MGAT4A: variants seen among roughly 807,000 people sequenced by gnomAD.
MGAT4A encodes alpha-1,3-mannosyl-glycoprotein 4-beta-N-acetylglucosaminyltransferase A.
Under a neutral mutation model 74.1 loss-of-function variants are expected in MGAT4A, and 33 were observed. The observed-to-expected ratio is 0.45, with a 90% CI of 0.34 to 0.60. MGAT4A has a LOEUF of 0.60. MGAT4A is among the 20% of genes least tolerant of loss of function. The pLI is 0.02. For synonymous variants in MGAT4A, 198 were observed against 210.4 expected (o/e 0.94, Z 0.51); for missense variants, 479 against 628.3 (o/e 0.76, Z 2.54).
intron 2 of MGAT4A, among the ~76,000 whole-genome samples, chr2:98,691,891 A>C (rs1702199869): frequency 6.6e-6 from 1 of 152,184 alleles, no homozygotes; most frequent in Non-Finnish European, 1.5e-5. Flanking sequence ...GCCTAGGCTA[A>C]TGTGTATGTC....
At chr2:98,729,609 A>G (rs1471622354) in intron 1 of MGAT4A, among the ~76,000 whole-genome samples, 1 of 152,166 alleles carries the variant, frequency 6.6e-6, no homozygotes, top group Non-Finnish European at 1.5e-5. Context: ...GGAACTTTCA[A>G]CTCTAGACAT....
At chr2:98,715,749 A>G (rs981215698) in intron 2 of MGAT4A, among the ~76,000 whole-genome samples, 1 of 152,250 alleles carries the variant, frequency 6.6e-6, no homozygotes, top group African/African-American at 2.4e-5. Flanking sequence ...AAGTTTACCT[A>G]TGCAACAGAT....
At chr2:98,631,439 A>C (rs372913847) in intron 14 of MGAT4A, among the ~76,000 whole-genome samples, 135 of 152,072 alleles carry the variant, frequency 8.9e-4, no homozygotes, top group African/African-American at 3.1e-3. Flanking sequence ...TTCCCACCCA[A>C]ATGTTGCATT....
At chr2:98,629,008 C>A (rs1180054916) in intron 14 of MGAT4A, among the ~76,000 whole-genome samples, 1 of 152,140 alleles carries the variant, frequency 6.6e-6, no homozygotes, top group African/African-American at 2.4e-5. Context: ...TTTATGGACA[C>A]AGAAATCTGA....
At chr2:98,719,749 C>T (rs1460901626) in intron 2 of MGAT4A, among the ~76,000 whole-genome samples, 1 of 152,174 alleles carries the variant, frequency 6.6e-6, no homozygotes, top group East Asian at 1.9e-4. Context: ...TGGGTTCAAG[C>T]AATTCTCCTT....
chr2:98,645,604 A>G, intron 8 of MGAT4A, 62 bp from the exon 9 acceptor site: 1 of 1,170,442 alleles, frequency 8.5e-7, no homozygotes, highest in Non-Finnish European at 1.1e-6. Flanking sequence ...AGAGAAGGAT[A>G]TTATTATGGA....
At chr2:98,667,705 G>C (rs942850981) in intron 4 of MGAT4A, among the ~76,000 whole-genome samples, 1 of 151,088 alleles carries the variant, frequency 6.6e-6, no homozygotes, top group African/African-American at 2.4e-5. Context: ...TTTTGTTGTT[G>C]TTGTTGTTGT....
chr2:98,639,933 G>A lies in MGAT4A; in HGVS notation c.1197C>T (p.Ser399=). Residue 399 remains serine (S), a synonymous_variant, in exon 12 of 16, where the codon TCC becomes TCT. Transcript: ENST00000393487. The stretch of plus-strand genomic sequence containing the variant: ...GCGTATGCCCTTGGTAGACCTTCAA[G>A]GAAGTAGATACCTCCGCAGGTGGGT... ...HVNPPAEVST[S]LKVYQGHTLE... 6.2e-7 allele frequency: 1 copy of A among 1,614,072 alleles called. No individual in the cohort carries two copies. Among genetic ancestry groups the A allele is most frequent in the Non-Finnish European group, 8.5e-7 (1 of 1,179,972 alleles).
At chr2:98,667,523 T>G (rs1034621036) in intron 4 of MGAT4A, among the ~76,000 whole-genome samples, 1 of 152,020 alleles carries the variant, frequency 6.6e-6, no homozygotes, top group Non-Finnish European at 1.5e-5. Context: ...GGCACTGGAG[T>G]AAAGGTGATT....
At chr2:98,719,284 T>C (rs948017433) in intron 2 of MGAT4A, among the ~76,000 whole-genome samples, 1 of 152,214 alleles carries the variant, frequency 6.6e-6, no homozygotes, top group Non-Finnish European at 1.5e-5. Flanking sequence ...ACCATTTAGT[T>C]TGTAGCAGAA....
chr2:98,640,470 T>G (rs1272098921), intron 10 of MGAT4A, among the ~76,000 whole-genome samples: 1 of 151,926 alleles, frequency 6.6e-6, no homozygotes, highest in Non-Finnish European at 1.5e-5. Context: ...ATCAGCCAGG[T>G]GTGCAAGCCT....
chr2:98,715,612 A>G (rs974820693), intron 2 of MGAT4A, among the ~76,000 whole-genome samples: 12 of 152,164 alleles, frequency 7.9e-5, no homozygotes, highest in Admixed American at 1.3e-4. Flanking sequence ...GGACACACAG[A>G]GGGAAACAAC....
At chr2:98,640,807 A>T (rs1701395700) in intron 10 of MGAT4A, among the ~76,000 whole-genome samples, 1 of 152,220 alleles carries the variant, frequency 6.6e-6, no homozygotes, top group Non-Finnish European at 1.5e-5. Context: ...CCTTCAACAC[A>T]TGTCAACAAA....
chr2:98,721,961 T>A (rs1286558390), intron 2 of MGAT4A, among the ~76,000 whole-genome samples: 1 of 152,212 alleles, frequency 6.6e-6, no homozygotes, highest in African/African-American at 2.4e-5. Context: ...GGTGTCAGAC[T>A]GGATTTTAAA....
intron 2 of MGAT4A, among the ~76,000 whole-genome samples, chr2:98,724,800 A>C (rs1702736393): frequency 6.6e-6 from 1 of 152,150 alleles, no homozygotes; most frequent in South Asian, 2.1e-4. Context: ...CAAAAAAAAA[A>C]AACCCATATA....
chr2:98,719,140 C>A (rs1227570299), intron 2 of MGAT4A, among the ~76,000 whole-genome samples: 1 of 151,962 alleles, frequency 6.6e-6, no homozygotes, highest in Non-Finnish European at 1.5e-5. Context: ...CAGGAGAGAA[C>A]CTGCAAAAGA....
chr2:98,640,249 C>T (rs373258570), intron 10 of MGAT4A, 21 bp from the exon 11 acceptor site: 634 of 1,569,780 alleles, frequency 4.0e-4, no homozygotes, highest in Non-Finnish European at 4.7e-4. Flanking sequence ...AAAAAAATCA[C>T]GTTAGTGTTG....
intron 10 of MGAT4A, among the ~76,000 whole-genome samples, chr2:98,642,684 A>G (rs1213887859): frequency 6.6e-6 from 1 of 152,222 alleles, no homozygotes; most frequent in African/African-American, 2.4e-5. Context: ...CCTACAATAA[A>G]AATTTCTATA....
At chr2:98,698,815 C>T (rs1208935840) in intron 2 of MGAT4A, among the ~76,000 whole-genome samples, 2 of 152,174 alleles carry the variant, frequency 1.3e-5, no homozygotes, top group African/African-American at 4.8e-5. Context: ...AAATTCCATG[C>T]ATCCTTCAAA....
Sources: allele counts gnomAD v4.1 joint callset (sites outside exome capture counted in the v4.1 genomes callset), GRCh38; gene constraint gnomAD v4.1.1; transcripts MANE v1.5; gene names NCBI Gene and HGNC (gene_info 2026-07-23, HGNC 2026-07-21).